Variants in CCSER1 observed in about 807,000 individuals in gnomAD.
The protein encoded by CCSER1 is coiled-coil serine rich protein 1, also known as serine-rich coiled-coil domain-containing protein 1.
In CCSER1, 41 loss-of-function variants were observed where a neutral mutation model predicts 82.0. The observed-to-expected ratio is 0.50, with a 90% CI of 0.39 to 0.65. CCSER1 has a LOEUF of 0.65. CCSER1 is among the 30% of genes least tolerant of loss of function. The probability of loss-of-function intolerance (pLI) is 0.00; values close to 1 mark genes in which losing one functional copy is unlikely to be tolerated. For synonymous variants in CCSER1, 414 were observed against 383.9 expected, an observed-to-expected ratio of 1.08 and a Z score of -0.92; for missense variants, 1,119 against 1,064.2, an observed-to-expected ratio of 1.05 and a Z score of -0.72.
In CCSER1 at chr4:90,228,846, C is replaced by T. The variant is rs1451427128; in HGVS notation, c.-41-79398C>T. On this transcript the variant is annotated intron_variant, in intron 1 of 10. Transcript: ENST00000509176. ...AATGCAGAAGCCTCAGGAGCCGATG[C>T]GATCAACTGGAAGAAAGGGTATCAG... 5.1e-4 allele frequency among the ~76,000 whole-genome samples: 78 copies of T among 152,110 alleles called. 1 individual carries two copies. The Middle Eastern group carries it at 0.01, about 20-fold the overall frequency.
At chr4:91,218,770 G>C (rs982562626) in intron 10 of CCSER1, among the ~76,000 whole-genome samples, 3 of 152,068 alleles carry the variant, frequency 2.0e-5, no homozygotes, top group African/African-American at 7.2e-5. Flanking sequence ...ATATTGCCTT[G>C]CTTATATTAC....
At chr4:91,248,347 G>C (rs1739976883) in intron 10 of CCSER1, among the ~76,000 whole-genome samples, 1 of 152,176 alleles carries the variant, frequency 6.6e-6, no homozygotes, top group Non-Finnish European at 1.5e-5. Context: ...TTCTCCTAGA[G>C]TGTGGCAAGA....
At chr4:90,497,035 T>C (rs981449202) in intron 5 of CCSER1, among the ~76,000 whole-genome samples, 4 of 133,852 alleles carry the variant, frequency 3.0e-5, no homozygotes, top group African/African-American at 1.1e-4. Context: ...ATCAAATACA[T>C]AGAAGGAAAG....
chr4:91,455,953 G>T (rs943050143), intron 10 of CCSER1, among the ~76,000 whole-genome samples: 1 of 152,080 alleles, frequency 6.6e-6, no homozygotes, highest in Non-Finnish European at 1.5e-5. Context: ...CAGAGACAAG[G>T]AGGTAAACTG....
intron 8 of CCSER1, among the ~76,000 whole-genome samples, chr4:90,920,170 G>A (rs1345602092): frequency 1.3e-5 from 2 of 151,802 alleles, no homozygotes; most frequent in Non-Finnish European, 1.5e-5. Flanking sequence ...GCACACTTCC[G>A]CGGTTTGTCT....
chr4:91,568,847 C>T (rs1353106575), intron 10 of CCSER1, among the ~76,000 whole-genome samples: 1 of 152,012 alleles, frequency 6.6e-6, no homozygotes, highest in Non-Finnish European at 1.5e-5. Context: ...TCTATCATCT[C>T]AGCCAGTTCA....
chr4:90,161,088 T>C (rs1249009492), intron 1 of CCSER1, among the ~76,000 whole-genome samples: 1 of 152,198 alleles, frequency 6.6e-6, no homozygotes, highest in Non-Finnish European at 1.5e-5. Flanking sequence ...TAACCTGTAA[T>C]GTTGTATCCT....
intron 10 of CCSER1, among the ~76,000 whole-genome samples, chr4:91,268,894 G>A (rs1441105910): frequency 6.6e-6 from 1 of 152,156 alleles, no homozygotes; most frequent in Non-Finnish European, 1.5e-5. Context: ...CTTCTTTTGT[G>A]ATTCTTCACT....
intron 10 of CCSER1, among the ~76,000 whole-genome samples, chr4:91,436,205 T>C (rs1450762908): frequency 6.6e-6 from 1 of 152,228 alleles, no homozygotes; most frequent in Non-Finnish European, 1.5e-5. Flanking sequence ...TCTTCCCTCT[T>C]ACTTTCTGTG....
At chr4:90,609,549 C>G (rs901469295) in intron 5 of CCSER1, among the ~76,000 whole-genome samples, 1 of 152,110 alleles carries the variant, frequency 6.6e-6, no homozygotes, top group Non-Finnish European at 1.5e-5. Context: ...AACCTTCAAA[C>G]TTCAGTGGGA....
intron 1 of CCSER1, among the ~76,000 whole-genome samples, chr4:90,291,414 A>G (rs966764447): frequency 1.6e-4 from 24 of 152,034 alleles, no homozygotes; most frequent in African/African-American, 5.8e-4. Flanking sequence ...TGGCCACTCA[A>G]GTCGGTCACA....
At chr4:91,374,718 G>A (rs553041465) in intron 10 of CCSER1, among the ~76,000 whole-genome samples, 83 of 152,308 alleles carry the variant, frequency 5.4e-4, no homozygotes, top group East Asian at 3.9e-3. Context: ...CATTTAGGCC[G>A]GGCGTGATGG....
At chr4:91,518,927 G>A (rs1162666389) in intron 10 of CCSER1, among the ~76,000 whole-genome samples, 1 of 152,202 alleles carries the variant, frequency 6.6e-6, no homozygotes, top group African/African-American at 2.4e-5. Flanking sequence ...AGATGGACTG[G>A]ACTCTGATCC....
At chr4:90,664,219 G>A (rs900021211) in intron 6 of CCSER1, among the ~76,000 whole-genome samples, 3 of 152,084 alleles carry the variant, frequency 2.0e-5, no homozygotes, top group Non-Finnish European at 4.4e-5. Context: ...TATGTGCTTC[G>A]TTATTTACTA....
intron 10 of CCSER1, among the ~76,000 whole-genome samples, chr4:91,136,945 A>G (rs1466505515): frequency 2.0e-5 from 3 of 152,174 alleles, no homozygotes; most frequent in African/African-American, 7.2e-5. Context: ...CTCTAAAACT[A>G]AAAACCCTAA....
At chr4:90,664,063 C>T (rs952729844) in intron 6 of CCSER1, 1 of 162,012 alleles carries the variant, frequency 6.2e-6, no homozygotes, top group Non-Finnish European at 1.4e-5. Context: ...ACTTAGTTTA[C>T]AAGATATTTT....
At chr4:90,970,422 A>G (rs1461995888) in intron 9 of CCSER1, among the ~76,000 whole-genome samples, 1 of 152,000 alleles carries the variant, frequency 6.6e-6, no homozygotes, top group Non-Finnish European at 1.5e-5. Context: ...AAAAAAATAT[A>G]TGCATCTAAC....
At chr4:91,120,158 C>G (rs923702823) in intron 10 of CCSER1, among the ~76,000 whole-genome samples, 3 of 151,926 alleles carry the variant, frequency 2.0e-5, no homozygotes, top group Admixed American at 6.6e-5. Flanking sequence ...ATTTAAGAGT[C>G]AATGATCATA....
In CCSER1 at chr4:90,390,022, A is replaced by T. The variant is rs550677316; in HGVS notation, c.1510-10014A>T. Among the ~76,000 whole-genome samples, 13 of 152,246 alleles carry T rather than the reference A, an allele frequency of 8.5e-5. No homozygotes were observed. In the East Asian group the frequency reaches 2.3e-3, roughly 27 times the overall value. On this transcript the variant is annotated intron_variant, in intron 3 of 10. Transcript: ENST00000509176. ...AAATCTGTCATATAATAAAATCTAGATATATTACCTTGTGTTTACTCTACC... is the reference window on the plus strand; with the variant it reads ...AAATCTGTCATATAATAAAATCTAGTTATATTACCTTGTGTTTACTCTACC...
Sources: allele counts gnomAD v4.1 joint callset (sites outside exome capture counted in the v4.1 genomes callset), GRCh38; gene constraint gnomAD v4.1.1; transcripts MANE v1.5; gene names NCBI Gene and HGNC (gene_info 2026-07-23, HGNC 2026-07-21).